Variants in GOLGA5 observed in about 807,000 individuals in gnomAD.
The protein encoded by GOLGA5 is golgin subfamily A member 5.
A neutral mutation model predicts 93.5 loss-of-function variants in GOLGA5; 50 were observed. That is an observed-to-expected ratio of 0.53 (90% CI 0.43 to 0.68). GOLGA5 has a LOEUF of 0.68. Among genes scored for constraint, GOLGA5 ranks in the 30% least tolerant of loss-of-function variants. The probability of loss-of-function intolerance (pLI) is 0.00; values close to 1 mark genes in which losing one functional copy is unlikely to be tolerated. For synonymous variants in GOLGA5, 312 were observed against 304.5 expected (o/e 1.02, Z -0.26); for missense variants, 760 against 856.4 (o/e 0.89, Z 1.40).
intron 8 of GOLGA5, among the ~76,000 whole-genome samples, chr14:92,823,817 T>TA (rs1885363146): frequency 1.3e-5 from 2 of 151,978 alleles, no homozygotes; most frequent in African/African-American, 4.8e-5. Flanking sequence ...ATGTCAGACT[T>TA]ATGAATTAAT....
At chr14:92,830,252 A>T (rs1595603635) in intron 9 of GOLGA5, among the ~76,000 whole-genome samples, 1 of 152,284 alleles carries the variant, frequency 6.6e-6, no homozygotes, top group Middle Eastern at 3.4e-3. Flanking sequence ...TGGGAGGCGG[A>T]GGTTGCAGTG....
Position 92,797,982 on chromosome 14 carries a change from GTAGT to G in GOLGA5, c.544+4_544+7del. 1 of 1,560,476 alleles carries G rather than the reference GTAGT, an allele frequency of 6.4e-7. No individual in the cohort carries two copies. Among genetic ancestry groups the G allele is most frequent in the Non-Finnish European group, 8.7e-7 (1 of 1,154,574 alleles). ...AATTCTTTTGGGAGCCAAACCCACGGTAGTTAATCAGTCCTCTTATTTCTTTTAG... is the reference window on the plus strand; with the variant it reads ...AATTCTTTTGGGAGCCAAACCCACGGTAATCAGTCCTCTTATTTCTTTTAG... On this transcript the variant is annotated splice_donor_variant and splice_donor_5th_base_variant and intron_variant, in intron 2 of 12. Transcript: ENST00000163416. LOFTEE classifies it high-confidence loss of function.
intron 5 of GOLGA5, 79 bp from the exon 6 acceptor site, chr14:92,811,472 A>G (rs1595594998): frequency 4.0e-6 from 4 of 995,196 alleles, no homozygotes; most frequent in African/African-American, 1.6e-5. Context: ...AAATCCCATA[A>G]GATATCCGAA....
chr14:92,809,157 G>A (rs1885052447), intron 3 of GOLGA5, 143 bp from the exon 4 acceptor site: 1 of 612,258 alleles, frequency 1.6e-6, no homozygotes, highest in African/African-American at 1.9e-5. Context: ...ATGACCCTTT[G>A]GGGCAAAGAA....
rs764772410 is a variant in GOLGA5, at chr14:92,802,949, T to A, written c.545-3787T>A. ...TAGCTCCAGCTCCAGTTGATACTTT[T>A]AAATATAAAACCAAACTTAACTTTC... is the stretch of plus-strand genomic sequence containing the variant. On this transcript the variant is annotated intron_variant, in intron 2 of 12. Transcript: ENST00000163416. Among the ~76,000 whole-genome samples, 59 of 152,064 alleles carry A rather than the reference T, an allele frequency of 3.9e-4. 1 individual carries two copies. The highest frequency in any genetic ancestry group is 2.4e-4 in the Non-Finnish European group (16 of 68,018).
chr14:92,800,404 T>G (rs1197548600), intron 2 of GOLGA5, among the ~76,000 whole-genome samples: 1 of 152,228 alleles, frequency 6.6e-6, no homozygotes, highest in East Asian at 1.9e-4. Flanking sequence ...GAACAGACTC[T>G]AAGAGGCTAG....
rs755563623 is a variant in GOLGA5, at chr14:92,816,473, A to T, written c.1491+52A>T. On this transcript the variant is annotated intron_variant, in intron 7 of 12. Coordinates refer to ENST00000163416, the MANE Select transcript of GOLGA5 (RefSeq NM_005113.4). Reference sequence around the variant, plus strand: ...TAGACACCATTTACCCTCAGGTGTTAACAGTTTGAGAGGTGGGGAAACAGC... The same window carrying T: ...TAGACACCATTTACCCTCAGGTGTTTACAGTTTGAGAGGTGGGGAAACAGC... The T allele has an allele frequency of 4.7e-6, 7 of 1,493,472 alleles. No homozygotes were observed. The African/African-American group carries it at 6.9e-5, about 15-fold the overall frequency. The allele number at this position is 1,493,472 out of a possible 1,614,324, so 92.5% of individuals were successfully genotyped here. A position where few individuals can be genotyped will look rare whatever the true frequency, so the allele number is the denominator to read the frequency against.
chr14:92,812,948 A>G (rs1008800879), intron 6 of GOLGA5, among the ~76,000 whole-genome samples: 7 of 152,016 alleles, frequency 4.6e-5, no homozygotes, highest in African/African-American at 1.4e-4. Flanking sequence ...TGACCTCCTG[A>G]CCTCAGTGCC....
chr14:92,807,032 G>A, intron 3 of GOLGA5, 69 bp downstream of exon 3: 1 of 1,062,336 alleles, frequency 9.4e-7, no homozygotes, highest in Non-Finnish European at 1.4e-6. Flanking sequence ...GGACGCAGTG[G>A]CTCGTGCCTG....
chr14:92,835,011 C>T (rs1885610850), intron 10 of GOLGA5, among the ~76,000 whole-genome samples: 1 of 152,100 alleles, frequency 6.6e-6, no homozygotes, highest in South Asian at 2.1e-4. Flanking sequence ...AGAGTTTTGG[C>T]CTGAGCAGAT....
chr14:92,825,754 G>A (rs752513303), intron 9 of GOLGA5, among the ~76,000 whole-genome samples: 1 of 150,892 alleles, frequency 6.6e-6, no homozygotes, highest in Non-Finnish European at 1.5e-5. Flanking sequence ...CTACTCAGAG[G>A]CTGATATGGG....
At chr14:92,829,198 A>G (rs144712230) in intron 9 of GOLGA5, among the ~76,000 whole-genome samples, 25 of 152,296 alleles carry the variant, frequency 1.6e-4, no homozygotes, top group Non-Finnish European at 3.4e-4. Flanking sequence ...CCTAGGCTCA[A>G]GTAATCCTCC....
intron 9 of GOLGA5, among the ~76,000 whole-genome samples, chr14:92,825,032 A>AT (rs1228431095): frequency 6.6e-6 from 1 of 152,264 alleles, no homozygotes; most frequent in East Asian, 1.9e-4. Context: ...TCACCAAGAT[A>AT]TTTTTTTAAC....
chr14:92,796,498 C>G (rs1045123833), intron 1 of GOLGA5, among the ~76,000 whole-genome samples: 3 of 152,282 alleles, frequency 2.0e-5, no homozygotes, highest in Non-Finnish European at 4.4e-5. Context: ...GAAATTTCCT[C>G]CTCTTAGAAG....
chr14:92,819,617 G>A (rs12880298), intron 7 of GOLGA5, 91 bp from the exon 8 acceptor site: 767,624 of 1,246,528 alleles, frequency 0.62, 238,295 homozygotes, highest in African/African-American at 0.77. Flanking sequence ...TGGGTGACGT[G>A]AGACTCTGAT....
Position 92,797,885 on chromosome 14 carries a change from T to G in GOLGA5, c.448T>G (p.Phe150Val), listed in dbSNP as rs749255638. The G allele has an allele frequency of 3.1e-6, 5 of 1,613,316 alleles. No individual in the cohort carries two copies. The Admixed American group carries it at 8.3e-5, about 27-fold the overall frequency. Residue 150 changes from phenylalanine (F) to valine (V), a missense_variant, in exon 2 of 13, where the codon TTT becomes GTT. Coordinates refer to ENST00000163416, the MANE Select transcript of GOLGA5 (RefSeq NM_005113.4). ...AAAGGAAAAAGGCAAGACACCTGTC[T>G]TTCAGAGCTCTCAGACATCAAGTGT... Reference protein sequence around the residue: ...IRKEKGKTPVFQSSQTSSVSS... With the variant: ...IRKEKGKTPVVQSSQTSSVSS...
At chr14:92,809,634 G>A (rs746470513) in intron 4 of GOLGA5, 115 bp downstream of exon 4, 2 of 700,268 alleles carry the variant, frequency 2.9e-6, no homozygotes, top group South Asian at 1.8e-5. Flanking sequence ...ATTTCTTTTG[G>A]TAGTGTTAGA....
chr14:92,801,286 A>C (rs1456813993), intron 2 of GOLGA5, among the ~76,000 whole-genome samples: 1 of 152,246 alleles, frequency 6.6e-6, no homozygotes, highest in Admixed American at 6.5e-5. Context: ...ATGGTTAAGA[A>C]CTTCTTTTGC....
At chr14:92,794,530 C>T (rs1301930908) in intron 1 of GOLGA5, 74 bp downstream of exon 1, 2 of 152,426 alleles carry the variant, frequency 1.3e-5, no homozygotes, top group Admixed American at 1.3e-4. Context: ...GCAGTCCCTT[C>T]AGTGGAGACC....
Sources: gnomAD v4.1 joint callset for allele counts (sites outside exome capture counted in the v4.1 genomes callset) on GRCh38, gnomAD v4.1.1 for gene constraint, MANE v1.5 for transcripts, NCBI Gene and HGNC (gene_info 2026-07-23, HGNC 2026-07-21) for gene names.